The following FIP1L1 variants were observed in gnomAD, a reference collection of about 807,000 sequenced individuals.
The protein encoded by FIP1L1 is pre-mRNA 3'-end-processing factor FIP1.
A neutral mutation model predicts 84.6 loss-of-function variants in FIP1L1; 21 were observed. The observed-to-expected ratio is 0.25, with a 90% CI of 0.18 to 0.36. The LOEUF (loss-of-function observed/expected upper bound fraction) is 0.36. FIP1L1 is among the 10% of genes least tolerant of loss of function. The probability of loss-of-function intolerance (pLI) is 1.00; values close to 1 mark genes in which losing one functional copy is unlikely to be tolerated. For synonymous variants in FIP1L1, 263 were observed against 242.3 expected, an observed-to-expected ratio of 1.09 and a Z score of -0.80; for missense variants, 526 against 751.1, an observed-to-expected ratio of 0.70 and a Z score of 3.50.
chr4:53,393,032 G>T (rs944666227), intron 9 of FIP1L1, among the ~76,000 whole-genome samples: 1 of 152,118 alleles, frequency 6.6e-6, no homozygotes, highest in Non-Finnish European at 1.5e-5. Context: ...ATTGTGGTCC[G>T]TAGGAAATGG....
chr4:53,400,127 G>A (rs1749469956), intron 10 of FIP1L1, among the ~76,000 whole-genome samples: 1 of 152,172 alleles, frequency 6.6e-6, no homozygotes, highest in Non-Finnish European at 1.5e-5. Context: ...TTCAAGAGAG[G>A]TGGTAACAGT....
In FIP1L1 at chr4:53,406,845, CGGT is replaced by C. The variant is rs908180411; in HGVS notation, c.815+7011_815+7013del. ...ATGGTAATTTGTATTTCTGTGGGAT[CGGT>C]GGTGATATCCCCTTTGTCATTTTTT... On this transcript the variant is annotated intron_variant, in intron 10 of 17. Transcript: ENST00000337488. Among the ~76,000 whole-genome samples the C allele has an allele frequency of 1.5e-3, 235 of 152,222 alleles. 1 individual carries two copies. The highest frequency in any genetic ancestry group is 5.6e-3 in the African/African-American group (231 of 41,544).
At chr4:53,413,312 G>T (rs761231068) in intron 10 of FIP1L1, among the ~76,000 whole-genome samples, 3 of 152,034 alleles carry the variant, frequency 2.0e-5, no homozygotes, top group Non-Finnish European at 2.9e-5. Context: ...CAAGATCAGG[G>T]TGCTAGCTGT....
chr4:53,453,711 T>C (rs532684781), intron 16 of FIP1L1, among the ~76,000 whole-genome samples: 27 of 152,326 alleles, frequency 1.8e-4, no homozygotes, highest in Admixed American at 7.8e-4. Flanking sequence ...GTGATCCTCC[T>C]GGCCTAGCCT....
At chr4:53,380,714 T>A (rs1464790366) in intron 3 of FIP1L1, among the ~76,000 whole-genome samples, 2 of 152,230 alleles carry the variant, frequency 1.3e-5, no homozygotes, top group Non-Finnish European at 2.9e-5. Context: ...TGTTATTTCA[T>A]TTTAAAATTT....
intron 11 of FIP1L1, 23 bp from the exon 12 acceptor site, chr4:53,425,849 T>A (rs1764123100): frequency 1.3e-6 from 2 of 1,550,706 alleles, no homozygotes; most frequent in Non-Finnish European, 1.8e-6. Flanking sequence ...TGAAACTGAA[T>A]TGATTCAATT....
chr4:53,415,885 TAG>T (rs767572228), intron 11 of FIP1L1, among the ~76,000 whole-genome samples: 3 of 152,184 alleles, frequency 2.0e-5, no homozygotes, highest in Non-Finnish European at 4.4e-5. Context: ...GCTGCATTCT[TAG>T]AGTAGTGTCA....
intron 1 of FIP1L1, 136 bp downstream of exon 1, chr4:53,378,059 C>CG: frequency 1.3e-6 from 1 of 744,058 alleles, no homozygotes; most frequent in Non-Finnish European, 2.0e-6. Context: ...TGACTTAGGC[C>CG]GAGCGCGGCG....
At chr4:53,453,246 ACATAGGAAAGCCATC>A in intron 16 of FIP1L1, 113 bp downstream of exon 16, 1 of 1,204,828 alleles carries the variant, frequency 8.3e-7, no homozygotes, top group Non-Finnish European at 1.2e-6. Flanking sequence ...CTCAGGGAGT[ACATAGGAAAGCCATC>A]TTAAAATGAT....
intron 13 of FIP1L1, among the ~76,000 whole-genome samples, chr4:53,436,371 T>G (rs1167050076): frequency 2.0e-5 from 3 of 152,178 alleles, no homozygotes; most frequent in Admixed American, 1.3e-4. Context: ...AAGGATTTTG[T>G]TTTTTTCTAG....
intron 11 of FIP1L1, among the ~76,000 whole-genome samples, chr4:53,420,451 TAAATC>T (rs71197021): frequency 0.55 from 74,827 of 136,216 alleles, 22,559 homozygotes; most frequent in Non-Finnish European, 0.67. Context: ...AAAAAAAAGA[TAAATC>T]AGACACTCAG....
At chr4:53,408,142 C>T (rs1266098120) in intron 10 of FIP1L1, among the ~76,000 whole-genome samples, 5 of 152,266 alleles carry the variant, frequency 3.3e-5, no homozygotes, top group Admixed American at 2.6e-4. Context: ...CTGGTTGTTC[C>T]TTTCCAAGTT....
intron 3 of FIP1L1, among the ~76,000 whole-genome samples, chr4:53,380,179 GAAT>G (rs1737063086): frequency 1.2e-4 from 4 of 33,810 alleles, no homozygotes; most frequent in South Asian, 1.3e-3. Context: ...ACTTGTACGT[GAAT>G]ATTCATAGCA....
chr4:53,390,848 A>G (rs1381315670), intron 7 of FIP1L1, among the ~76,000 whole-genome samples, 161 bp from the exon 8 acceptor site: 1 of 152,174 alleles, frequency 6.6e-6, no homozygotes, highest in Non-Finnish European at 1.5e-5. Flanking sequence ...TTGTAAAGGG[A>G]ATAATTTGAT....
In FIP1L1 at chr4:53,430,240, A is replaced by G. The variant is rs147299348; in HGVS notation, c.1174+2057A>G. 6.5e-3 allele frequency among the ~76,000 whole-genome samples: 984 copies of G among 152,304 alleles called. 3 individuals carry two copies. Among genetic ancestry groups the G allele is most frequent in the Middle Eastern group, 0.014 (4 of 294 alleles). ...TGACAACAAATACTTAGCTGGTATA[A>G]GAATATTCGAAACTCCGTAGAATAT... On this transcript the variant is annotated intron_variant, in intron 13 of 17. Coordinates refer to ENST00000337488, the MANE Select transcript of FIP1L1 (RefSeq NM_030917.4).
intron 10 of FIP1L1, among the ~76,000 whole-genome samples, chr4:53,401,527 A>T (rs1750260855): frequency 6.6e-6 from 1 of 152,210 alleles, no homozygotes. Flanking sequence ...GGTAACTTGG[A>T]CCAAGATAAT....
chr4:53,383,641 G>A (rs1166542707), intron 4 of FIP1L1, 132 bp from the exon 5 acceptor site: 9 of 852,738 alleles, frequency 1.1e-5, no homozygotes, highest in African/African-American at 8.7e-5. Flanking sequence ...AAGCCGGGGC[G>A]ACAAAGTGAG....
At position 53,458,653 on chromosome 4, in the gene FIP1L1, C is replaced by A; in HGVS notation, c.1500C>A (p.Ser500Arg). The A allele has an allele frequency of 6.2e-7, 1 of 1,604,094 alleles. No individual in the cohort carries two copies. The highest frequency in any genetic ancestry group is 1.1e-5 in the South Asian group (1 of 89,290). ...GAAAACATTTCTATTTCAATTTCAGCGATGAAGAACGATACAGATACAGGG... is the reference window on the plus strand; with the variant it reads ...GAAAACATTTCTATTTCAATTTCAGAGATGAAGAACGATACAGATACAGGG... ...DHSPTPSVFN[S>R]DEERYRYREY... Residue 500 changes from serine (S) to arginine (R), a missense_variant and splice_region_variant, in exon 17 of 18, where the codon AGC (serine) becomes AGA (arginine). Coordinates refer to ENST00000337488, the MANE Select transcript of FIP1L1 (RefSeq NM_030917.4).
intron 5 of FIP1L1, among the ~76,000 whole-genome samples, chr4:53,385,841 A>G (rs574619611): frequency 5.3e-5 from 8 of 152,314 alleles, no homozygotes; most frequent in South Asian, 2.1e-4. Context: ...AAAGTAAAGT[A>G]CAGGCATTTG....
Sources: allele counts gnomAD v4.1 joint callset (sites outside exome capture counted in the v4.1 genomes callset), GRCh38; gene constraint gnomAD v4.1.1; transcripts MANE v1.5; gene names NCBI Gene and HGNC (gene_info 2026-07-23, HGNC 2026-07-21).